SLC22A23: variants seen among roughly 807,000 people sequenced by gnomAD.
SLC22A23 encodes solute carrier family 22 member 23.
A neutral mutation model predicts 61.0 loss-of-function variants in SLC22A23; 26 were observed. The ratio of observed to expected loss-of-function variants is 0.43; its 90% CI spans 0.31 to 0.59. The LOEUF is 0.59. SLC22A23 is among the 20% of genes least tolerant of loss of function. The probability of loss-of-function intolerance (pLI) is 0.11; values close to 1 mark genes in which losing one functional copy is unlikely to be tolerated. For missense variants in SLC22A23, 796 were observed against 934.7 expected, an observed-to-expected ratio of 0.85 and a Z score of 1.94; for synonymous variants, 430 against 413.9, an observed-to-expected ratio of 1.04 and a Z score of -0.47.
chr6:3,414,721 CAAAAAAAAA>C lies in SLC22A23; in HGVS notation c.758+1022_758+1030del, dbSNP rs60880355. ...TCAAGGCCAAGATGTCTCGATTCAC[CAAAAAAAAA>C]AAAAAAAAAAAAAATCCTTTAAAGA... On this transcript the variant is annotated intron_variant, in intron 2 of 9. Transcript: ENST00000406686. This position sits in a 1 kb window ranked among gnomAD's most constrained non-coding sequence, Gnocchi z 5.1. Among the ~76,000 whole-genome samples, 7 of 89,512 alleles carry C rather than the reference CAAAAAAAAA, an allele frequency of 7.8e-5. No individual in the cohort carries two copies. The highest frequency in any genetic ancestry group is 2.6e-4 in the African/African-American group (6 of 22,840). 58.7% of individuals were successfully genotyped at this position (89,512 alleles called of 152,430 possible).
chr6:3,301,203 T>C lies in SLC22A23; in HGVS notation c.1083-2985A>G, dbSNP rs576562014. 8.5e-5 allele frequency among the ~76,000 whole-genome samples: 13 copies of C among 152,294 alleles called. No individual in the cohort carries two copies. In the South Asian group the frequency reaches 1.2e-3, roughly 15 times the overall value. On this transcript the variant is annotated intron_variant, in intron 4 of 9. Transcript: ENST00000406686. ...CCCCCATAGTTTAAGTTCTGATCTA[T>C]AGTATTTCCATCTTTCTGATGCGTT...
intron 4 of SLC22A23, 54 bp from the exon 5 acceptor site, chr6:3,298,272 G>T: frequency 6.4e-7 from 1 of 1,551,616 alleles, no homozygotes; most frequent in Non-Finnish European, 8.6e-7. Context: ...CACGGCACCG[G>T]GAAGTGTGGC....
chr6:3,434,368 C>T (rs1436911196), intron 1 of SLC22A23, among the ~76,000 whole-genome samples: 1 of 151,414 alleles, frequency 6.6e-6, no homozygotes, highest in African/African-American at 2.4e-5. Flanking sequence ...GCAATCCTAG[C>T]ACTTTGGGAG....
intron 3 of SLC22A23, among the ~76,000 whole-genome samples, chr6:3,346,498 C>T (rs1207011358): frequency 6.6e-6 from 1 of 152,228 alleles, no homozygotes; most frequent in Non-Finnish European, 1.5e-5. Context: ...CCCATTGCCG[C>T]TACTCTGTTC....
chr6:3,281,158 C>T (rs4286820), intron 9 of SLC22A23, among the ~76,000 whole-genome samples: 98,796 of 152,162 alleles, frequency 0.65, 38,382 homozygotes, highest in Non-Finnish European at 0.86. Context: ...CTTCCAGATC[C>T]GCCCAGGACC....
chr6:3,281,825 C>T (rs556519421), intron 9 of SLC22A23, among the ~76,000 whole-genome samples: 1 of 152,258 alleles, frequency 6.6e-6, no homozygotes, highest in South Asian at 2.1e-4. Flanking sequence ...GGCCCAGGGA[C>T]CCCCTTTGGA....
At chr6:3,358,621 C>A (rs955431211) in intron 3 of SLC22A23, among the ~76,000 whole-genome samples, 1 of 151,974 alleles carries the variant, frequency 6.6e-6, no homozygotes, top group Non-Finnish European at 1.5e-5. Context: ...TTCAGGCAGG[C>A]GAGATGAATA....
At chr6:3,340,288 T>C (rs1190091995) in intron 3 of SLC22A23, among the ~76,000 whole-genome samples, 1 of 152,138 alleles carries the variant, frequency 6.6e-6, no homozygotes, top group Non-Finnish European at 1.5e-5. Flanking sequence ...GGAAGAAATG[T>C]TTGTCAGAGT....
chr6:3,273,701 G>A (rs979383984), intron 9 of SLC22A23, among the ~76,000 whole-genome samples: 1 of 152,222 alleles, frequency 6.6e-6, no homozygotes, highest in African/African-American at 2.4e-5. Flanking sequence ...TGGGGACCAT[G>A]AGAACTTTAT....
At chr6:3,448,824 C>T (rs76706521) in intron 1 of SLC22A23, among the ~76,000 whole-genome samples, 3 of 152,306 alleles carry the variant, frequency 2.0e-5, no homozygotes, top group East Asian at 1.9e-4. Context: ...CACCAACTTT[C>T]GACTCAATCC....
At chr6:3,391,657 G>A (rs1260630185) in intron 3 of SLC22A23, among the ~76,000 whole-genome samples, 1 of 152,128 alleles carries the variant, frequency 6.6e-6, no homozygotes, top group African/African-American at 2.4e-5. Context: ...TGCTTTCAAG[G>A]TGTTTCCTCT....
intron 1 of SLC22A23, among the ~76,000 whole-genome samples, chr6:3,442,248 G>C (rs1020162676): frequency 3.3e-5 from 5 of 152,134 alleles, no homozygotes; most frequent in Admixed American, 6.5e-5. Context: ...AGGTAGCGTG[G>C]GGTTGCCAGA....
rs202163048 is a variant in SLC22A23 at position 3,435,373 on chromosome 6, G to A, written c.655-19518C>T. On this transcript the variant is annotated intron_variant, in intron 1 of 9. Transcript: ENST00000406686. ...CATCCCTGCTCCCCTTCCCCTCTCC[G>A]TCTCCCTTTTCCCCCTTTCCTTTCC... Among the ~76,000 whole-genome samples, 13 of 145,964 alleles carry A rather than the reference G, an allele frequency of 8.9e-5. 1 individual carries two copies. In the South Asian group the frequency reaches 1.5e-3, roughly 17 times the overall value.
chr6:3,332,484 T>G (rs921079146), intron 3 of SLC22A23, among the ~76,000 whole-genome samples: 26 of 152,224 alleles, frequency 1.7e-4, no homozygotes, highest in African/African-American at 6.3e-4. Flanking sequence ...GCATCTGGAT[T>G]TAAAAACACT....
At chr6:3,371,799 T>C (rs2127463592) in intron 3 of SLC22A23, among the ~76,000 whole-genome samples, 1 of 152,300 alleles carries the variant, frequency 6.6e-6, no homozygotes, top group African/African-American at 2.4e-5. Context: ...TGTTAAGTGC[T>C]ACCTACTTTT....
intron 1 of SLC22A23, among the ~76,000 whole-genome samples, chr6:3,426,223 G>T (rs962434521): frequency 5.9e-5 from 9 of 152,198 alleles, no homozygotes; most frequent in Non-Finnish European, 1.3e-4. Context: ...AACTGAATAA[G>T]AGGTGAAGTG....
intron 1 of SLC22A23, among the ~76,000 whole-genome samples, chr6:3,447,918 A>T (rs1320092465): frequency 9.2e-4 from 21 of 22,846 alleles, no homozygotes; most frequent in South Asian, 3.7e-3. Context: ...TTTTTTTTTG[A>T]GATAGATGGA....
intron 3 of SLC22A23, among the ~76,000 whole-genome samples, chr6:3,394,331 T>C (rs1767866065): frequency 6.6e-6 from 1 of 152,154 alleles, no homozygotes; most frequent in Admixed American, 6.5e-5. Context: ...CAATAATTCC[T>C]GTATGTGGTT....
chr6:3,347,922 C>A (rs951721855), intron 3 of SLC22A23, among the ~76,000 whole-genome samples: 1 of 152,134 alleles, frequency 6.6e-6, no homozygotes, highest in African/African-American at 2.4e-5. Flanking sequence ...GGGAGGTGTG[C>A]GGCTGTTGCC....
Sources: allele counts gnomAD v4.1 joint callset (sites outside exome capture counted in the v4.1 genomes callset), GRCh38; gene constraint gnomAD v4.1.1; non-coding constraint Gnocchi (gnomAD v3.1); transcripts MANE v1.5; gene names NCBI Gene and HGNC (gene_info 2026-07-23, HGNC 2026-07-21).